The following FRMPD1 variants were observed in gnomAD, a reference collection of about 807,000 sequenced individuals.
The protein encoded by FRMPD1 is FERM and PDZ domain containing 1.
In FRMPD1, 76 loss-of-function variants were observed where a neutral mutation model predicts 117.8. The observed-to-expected ratio is 0.65, with a 90% CI of 0.54 to 0.78. The LOEUF is 0.78. Ranked by LOEUF, FRMPD1 falls within the 30% of genes least tolerant of loss-of-function variation. FRMPD1 has a pLI of 0.00. For missense variants in FRMPD1, 1,786 were observed against 1,964.5 expected (o/e 0.91, Z 1.72); for synonymous variants, 783 against 770.4 (o/e 1.02, Z -0.27).
chr9:37,678,756 T>C (rs1418128629), intron 1 of FRMPD1, among the ~76,000 whole-genome samples: 1 of 152,172 alleles, frequency 6.6e-6, no homozygotes, highest in African/African-American at 2.4e-5. Context: ...ATGAAGGAAG[T>C]GAAGGTATCG....
chr9:37,624,725 A>T, the FRMPD1 span, among the ~76,000 whole-genome samples: 1 of 152,224 alleles, frequency 6.6e-6, no homozygotes, highest in South Asian at 2.1e-4. Flanking sequence ...TTTGGTGTGA[A>T]TCACTGAAAA....
rs139609236 is a variant in FRMPD1 at position 37,742,536 on chromosome 9, T to C, written c.2356+1652T>C. Among the ~76,000 whole-genome samples the C allele has an allele frequency of 1.8e-3, 281 of 152,298 alleles. 2 individuals are homozygous for C. Among genetic ancestry groups the C allele is most frequent in the African/African-American group, 6.5e-3 (272 of 41,564 alleles). ...TGGGACTTAGAAACTCCTTGGTCGG[T>C]GGCTGTCAGTAGCCTAGGGCAGTCA... On this transcript the variant is annotated intron_variant, in intron 15 of 15. Coordinates refer to ENST00000377765, the MANE Select transcript of FRMPD1 (RefSeq NM_014907.3).
chr9:37,730,258 A>T (rs117850778), intron 8 of FRMPD1, among the ~76,000 whole-genome samples: 1 of 152,296 alleles, frequency 6.6e-6, no homozygotes, highest in East Asian at 1.9e-4. Context: ...CTTACCCCCG[A>T]TATGGTTCCT....
At chr9:37,651,527 A>AT (rs1032631302) in intron 1 of FRMPD1, among the ~76,000 whole-genome samples, 1 of 152,176 alleles carries the variant, frequency 6.6e-6, no homozygotes, top group Non-Finnish European at 1.5e-5. Flanking sequence ...CTGTGTTGTC[A>AT]TTTTTTGAGT....
At chr9:37,730,380 A>G (rs1156463276) in intron 8 of FRMPD1, among the ~76,000 whole-genome samples, 2 of 152,252 alleles carry the variant, frequency 1.3e-5, no homozygotes, top group Admixed American at 6.5e-5. Context: ...AGTTCAACAA[A>G]TCTTTGTGAG....
At chr9:37,695,563 C>T (rs530958695) in intron 2 of FRMPD1, among the ~76,000 whole-genome samples, 2 of 152,246 alleles carry the variant, frequency 1.3e-5, no homozygotes, top group East Asian at 3.9e-4. Flanking sequence ...AATTTCTTCT[C>T]ATCTGTAATC....
chr9:37,690,726 G>C (rs1822102789), intron 1 of FRMPD1, among the ~76,000 whole-genome samples: 2 of 152,120 alleles, frequency 1.3e-5, no homozygotes, highest in South Asian at 4.1e-4. Flanking sequence ...GTTTTGTGTT[G>C]CTATATAATA....
At chr9:37,615,179 C>T in the FRMPD1 span, among the ~76,000 whole-genome samples, 5 of 152,086 alleles carry the variant, frequency 3.3e-5, no homozygotes, top group Non-Finnish European at 7.4e-5. Flanking sequence ...GTGGCGTGAT[C>T]TCAGCTCTCT....
chr9:37,604,976 A>C, the FRMPD1 span, among the ~76,000 whole-genome samples: 1 of 152,278 alleles, frequency 6.6e-6, no homozygotes, highest in Non-Finnish European at 1.5e-5. Context: ...CCACTTTACA[A>C]ATGGAAAAGT....
chr9:37,708,436 G>C lies in FRMPD1; in HGVS notation c.297G>C (p.Gln99His). The stretch of plus-strand genomic sequence containing the variant: ...ACGGCAAGCTTTTCCCTGGTGATCA[G>C]ATCCTCCAAATGAACAATGAGCCTG... ...SAHGKLFPGD[Q>H]ILQMNNEPAE... The change falls in exon 4 of 16, where the codon CAG becomes CAC. Residue 99 changes from glutamine to histidine, a missense_variant. By Grantham distance (24) the Gln-to-His change is conservative. Coordinates refer to ENST00000377765, the MANE Select transcript of FRMPD1 (RefSeq NM_014907.3). 6.2e-7 allele frequency: 1 copy of C among 1,613,614 alleles called. No homozygotes were observed. Among genetic ancestry groups the C allele is most frequent in the East Asian group, 2.2e-5 (1 of 44,884 alleles).
At chr9:37,713,776 T>TAAGTATTTGGA (rs1421514966) in intron 5 of FRMPD1, among the ~76,000 whole-genome samples, 1 of 152,188 alleles carries the variant, frequency 6.6e-6, no homozygotes, top group Non-Finnish European at 1.5e-5. Context: ...GACATTTGTT[T>TAAGTATTTGGA]AAGTATTTGG....
chr9:37,687,425 T>C (rs2117988132), intron 1 of FRMPD1, among the ~76,000 whole-genome samples: 1 of 152,274 alleles, frequency 6.6e-6, no homozygotes. Context: ...CTAGACCCCA[T>C]AGGAAAGCGT....
At chr9:37,624,368 G>A in the FRMPD1 span, among the ~76,000 whole-genome samples, 10 of 152,318 alleles carry the variant, frequency 6.6e-5, no homozygotes, top group South Asian at 4.1e-4. Context: ...GAGACAATGG[G>A]CAGAAATACA....
intron 1 of FRMPD1, among the ~76,000 whole-genome samples, chr9:37,665,078 C>T (rs1821121174): frequency 6.6e-6 from 1 of 152,152 alleles, no homozygotes; most frequent in African/African-American, 2.4e-5. Context: ...AAATGGCACT[C>T]TTATCTATAG....
intron 14 of FRMPD1, 52 bp downstream of exon 14, chr9:37,737,295 GT>G (rs755955073): frequency 3.2e-6 from 5 of 1,557,750 alleles, no homozygotes; most frequent in East Asian, 2.2e-5. Context: ...CACTGGCCTT[GT>G]AGGTAAGGGC....
rs138718383 is a variant in FRMPD1 at position 37,712,357 on chromosome 9, T to A, written c.408+962T>A. On this transcript the variant is annotated intron_variant, in intron 5 of 15. Transcript: ENST00000377765. ...AATAATTGAAAATTAAAACTGTACT[T>A]CTTTTATTTTTTCTTGAGATGGAGT... Among the ~76,000 whole-genome samples, 3 of 152,328 alleles carry A rather than the reference T, an allele frequency of 2.0e-5. No individual in the cohort carries two copies. In the East Asian group the frequency reaches 5.8e-4, roughly 29 times the overall value.
chr9:37,726,734 A>G, intron 7 of FRMPD1, among the ~76,000 whole-genome samples: 1 of 152,050 alleles, frequency 6.6e-6, no homozygotes, highest in East Asian at 1.9e-4. Context: ...TAAATAAATT[A>G]CCCAGGGTTA....
chr9:37,637,987 T>G, the FRMPD1 span, among the ~76,000 whole-genome samples: 46 of 108,816 alleles, frequency 4.2e-4, 8 homozygotes, highest in Non-Finnish European at 5.4e-4. Flanking sequence ...TTTCTTTCTT[T>G]CTTTCTTTCT....
the FRMPD1 span, among the ~76,000 whole-genome samples, chr9:37,603,457 A>C: frequency 7.5e-4 from 115 of 152,332 alleles, no homozygotes; most frequent in African/African-American, 2.7e-3. Flanking sequence ...TGTTTAAGTC[A>C]TCCTGGAAGT....
Sources: allele counts gnomAD v4.1 joint callset (sites outside exome capture counted in the v4.1 genomes callset), GRCh38; gene constraint gnomAD v4.1.1; transcripts MANE v1.5; gene names NCBI Gene and HGNC (gene_info 2026-07-23, HGNC 2026-07-21).